The following ANK2 variants were observed in gnomAD, a reference collection of about 807,000 sequenced individuals.
ANK2 encodes ankyrin-2.
ANK2 carries 83 observed loss-of-function variants against 360.5 expected under a neutral mutation model. The observed-to-expected ratio is 0.23, with a 90% confidence interval of 0.19 to 0.28. ANK2 has a LOEUF of 0.28. ANK2 is among the 10% of genes least tolerant of loss of function. The pLI is 1.00. For synonymous variants in ANK2, 1,740 were observed against 1,759.5 expected, an observed-to-expected ratio of 0.99 and a Z score of 0.28; for missense variants, 4,201 against 4,795.7, an observed-to-expected ratio of 0.88 and a Z score of 3.66.
the ANK2 span, among the ~76,000 whole-genome samples, chr4:112,714,281 C>G: frequency 6.6e-6 from 1 of 152,172 alleles, no homozygotes; most frequent in Middle Eastern, 3.2e-3. Flanking sequence ...CTCCTGGGCT[C>G]AAGCAATCCT....
intron 34 of ANK2, among the ~76,000 whole-genome samples, chr4:113,345,635 A>G (rs2094760613): frequency 6.6e-6 from 1 of 152,210 alleles, no homozygotes; most frequent in Middle Eastern, 3.2e-3. Flanking sequence ...ATCATTTCAC[A>G]ATGTATACAT....
chr4:113,094,626 A>G (rs2090195279), intron 1 of ANK2, among the ~76,000 whole-genome samples: 2 of 152,142 alleles, frequency 1.3e-5, no homozygotes, highest in South Asian at 4.1e-4. Flanking sequence ...AAAAGATGTA[A>G]TTGACATAGA....
At chr4:113,293,648 C>T in intron 22 of ANK2, 110 bp downstream of exon 22, 1 of 1,081,742 alleles carries the variant, frequency 9.2e-7, no homozygotes, top group South Asian at 1.3e-5. Flanking sequence ...TAGTTTTGAA[C>T]TTCTTTTTGT....
intron 2 of ANK2, among the ~76,000 whole-genome samples, chr4:113,023,110 A>T (rs1176213955): frequency 6.6e-6 from 1 of 152,198 alleles, no homozygotes; most frequent in Non-Finnish European, 1.5e-5. Flanking sequence ...CGTCCTGCAC[A>T]TGTATCCTGG....
chr4:113,282,894 C>G (rs762688446), intron 18 of ANK2, 22 bp downstream of exon 18: 2 of 1,611,996 alleles, frequency 1.2e-6, no homozygotes, highest in Non-Finnish European at 8.5e-7. Flanking sequence ...TTTCTTGCAT[C>G]AATCAAGAGT....
intron 34 of ANK2, among the ~76,000 whole-genome samples, chr4:113,343,663 T>A (rs1252669559): frequency 6.6e-6 from 1 of 152,224 alleles, no homozygotes; most frequent in South Asian, 2.1e-4. Context: ...CAGGTGTTTG[T>A]TGTCTCTAAA....
At chr4:113,371,070 T>C (rs1323484115) in intron 43 of ANK2, among the ~76,000 whole-genome samples, 1 of 152,208 alleles carries the variant, frequency 6.6e-6, no homozygotes, top group Non-Finnish European at 1.5e-5. Context: ...ACACTTTATA[T>C]TTCAAAGTGT....
At chr4:112,911,169 C>T (rs1338291032) in intron 2 of ANK2, among the ~76,000 whole-genome samples, 1 of 132,240 alleles carries the variant, frequency 7.6e-6, no homozygotes, top group Non-Finnish European at 1.5e-5. Flanking sequence ...GGGGTTTCAC[C>T]ATGTTGGCCA....
chr4:113,369,718 G>T lies in ANK2; in HGVS notation c.11523G>T (p.Pro3841=), dbSNP rs143290935. The T allele has an allele frequency of 6.2e-7, 1 of 1,614,118 alleles. No homozygotes were observed. The highest frequency in any genetic ancestry group is 1.1e-5 in the South Asian group (1 of 91,076). The part of the protein sequence containing the change: ...EPSEHREESS[P]RKTSLVIVES... ...CAGAGCACAGAGAGGAGAGCTCTCC[G>T]CGGAAAACCAGCCTCGTAATAGTGG... The change falls in exon 43 of 46, where the codon CCG becomes CCT. Residue 3841 remains proline, a synonymous_variant. Transcript: ENST00000357077.
At chr4:112,866,469 C>A (rs2070589371) in intron 1 of ANK2, among the ~76,000 whole-genome samples, 4 of 152,278 alleles carry the variant, frequency 2.6e-5, no homozygotes, top group African/African-American at 9.6e-5. Flanking sequence ...GTACCTTAAA[C>A]ATAGTTATAT....
intron 1 of ANK2, 140 bp downstream of exon 1, chr4:113,049,952 T>C: frequency 8.9e-7 from 1 of 1,118,862 alleles, no homozygotes; most frequent in Non-Finnish European, 1.3e-6. Flanking sequence ...CCTTGCTTTT[T>C]AAAGAGGCAG....
chr4:113,360,682 A>G, intron 38 of ANK2, 141 bp from the exon 39 acceptor site: 1 of 753,962 alleles, frequency 1.3e-6, no homozygotes, highest in East Asian at 2.7e-5. Context: ...AATCAGACAC[A>G]CAATATGATC....
chr4:113,333,298 ATGTGTGTG>A (rs60929199), intron 29 of ANK2, 90 bp downstream of exon 29: 46 of 1,163,066 alleles, frequency 4.0e-5, no homozygotes, highest in South Asian at 5.2e-5. Context: ...GTGTGTGTAT[ATGTGTGTG>A]TGTGTGTGTG....
intron 27 of ANK2, 40 bp downstream of exon 27, chr4:113,330,510 A>G: frequency 3.1e-6 from 5 of 1,594,660 alleles, no homozygotes; most frequent in Non-Finnish European, 4.3e-6. Context: ...GTCATCGATG[A>G]GCTTGTGTCC....
chr4:112,951,114 C>T (rs1014619692), intron 2 of ANK2, among the ~76,000 whole-genome samples: 1 of 149,568 alleles, frequency 6.7e-6, no homozygotes, highest in Admixed American at 6.6e-5. Flanking sequence ...AAATGTGTGC[C>T]TCTTTGACAG....
the ANK2 span, among the ~76,000 whole-genome samples, chr4:112,734,809 G>A: frequency 6.6e-6 from 1 of 152,100 alleles, no homozygotes; most frequent in East Asian, 1.9e-4. Context: ...GGAGACATTT[G>A]TTTCCATTTT....
At chr4:113,028,039 A>T (rs187589317) in intron 2 of ANK2, among the ~76,000 whole-genome samples, 1 of 152,250 alleles carries the variant, frequency 6.6e-6, no homozygotes, top group Non-Finnish European at 1.5e-5. Context: ...TAGGTGACTG[A>T]TGATAATCCA....
chr4:113,357,686 C>G lies in ANK2; in HGVS notation c.9068C>G (p.Thr3023Arg). 6.2e-7 allele frequency: 1 copy of G among 1,614,150 alleles called. No individual in the cohort carries two copies. The change falls in exon 38 of 46, where the codon ACA becomes AGA. Residue 3023 changes from threonine to arginine, a missense_variant. Thr to Arg is a moderately conservative substitution (Grantham distance 71). Around this residue, in one of 4 missense-constraint regions of ANK2, gnomAD observed 2,642 missense variants for 2,714.5 expected, o/e 0.97. Coordinates refer to ENST00000357077, the MANE Select transcript of ANK2 (RefSeq NM_001148.6). The part of the protein sequence containing the change: ...SSFEPTMSAT[T>R]TVVGEQISKV... ...TTCGAGCCTACTATGTCCGCTACAA[C>G]AACAGTTGTTGGTGAACAAATAAGC...
chr4:112,932,043 A>C (rs1184876998), intron 2 of ANK2, among the ~76,000 whole-genome samples: 1 of 152,222 alleles, frequency 6.6e-6, no homozygotes, highest in East Asian at 1.9e-4. Context: ...AACAAGTGTT[A>C]ACTTGTGGTG....
Sources: gnomAD v4.1 joint callset for allele counts (sites outside exome capture counted in the v4.1 genomes callset) on GRCh38, gnomAD v4.1.1 for gene constraint, gnomAD v4.1.1 regional missense constraint, MANE v1.5 for transcripts, NCBI Gene and HGNC (gene_info 2026-07-23, HGNC 2026-07-21) for gene names.